The following BCKDHB variants were observed in gnomAD, a reference collection of about 807,000 sequenced individuals.
BCKDHB encodes the protein 2-oxoisovalerate dehydrogenase subunit beta, mitochondrial.
Under a neutral mutation model 48.5 loss-of-function variants are expected in BCKDHB, and 41 were observed. That is an observed-to-expected ratio of 0.85 (90% CI 0.66 to 1.10). The LOEUF is 1.10. BCKDHB is among the 50% of genes least tolerant of loss of function. The pLI, the probability that BCKDHB is intolerant of heterozygous loss-of-function variation, is 0.00. For missense variants in BCKDHB, 496 were observed against 494.2 expected, an observed-to-expected ratio of 1.00 and a Z score of -0.03; for synonymous variants, 201 against 174.8, an observed-to-expected ratio of 1.15 and a Z score of -1.18.
intron 3 of BCKDHB, among the ~76,000 whole-genome samples, chr6:80,159,523 G>A (rs1305453245): frequency 1.3e-5 from 2 of 152,116 alleles, no homozygotes; most frequent in Non-Finnish European, 2.9e-5. Context: ...CCTGTCTAAT[G>A]AATAGAATGT....
intron 6 of BCKDHB, among the ~76,000 whole-genome samples, chr6:80,187,235 T>G (rs1773683831): frequency 6.6e-6 from 1 of 152,218 alleles, no homozygotes; most frequent in Non-Finnish European, 1.5e-5. Flanking sequence ...ATCATTTGAT[T>G]AAATGTGTTA....
At chr6:80,106,989 TC>T in intron 1 of BCKDHB, 100 bp downstream of exon 1, 1 of 1,408,802 alleles carries the variant, frequency 7.1e-7, no homozygotes, top group Non-Finnish European at 9.8e-7. Flanking sequence ...AATCCTTGCA[TC>T]CCAGCTTATT....
intron 8 of BCKDHB, among the ~76,000 whole-genome samples, chr6:80,252,486 G>A (rs996691423): frequency 3.9e-5 from 6 of 152,074 alleles, no homozygotes; most frequent in Non-Finnish European, 7.4e-5. Context: ...TTTTGTCAAG[G>A]TTATTGGTCA....
At chr6:80,122,168 A>G (rs1051004995) in intron 1 of BCKDHB, among the ~76,000 whole-genome samples, 1 of 152,202 alleles carries the variant, frequency 6.6e-6, no homozygotes, top group Non-Finnish European at 1.5e-5. Flanking sequence ...TGATTTGCAT[A>G]TGTTGAACCA....
the BCKDHB span, among the ~76,000 whole-genome samples, chr6:80,433,852 C>T: frequency 6.6e-6 from 1 of 152,174 alleles, no homozygotes; most frequent in Admixed American, 6.5e-5. Flanking sequence ...GATTTGGAAT[C>T]ATTATGTTTT....
intron 9 of BCKDHB, among the ~76,000 whole-genome samples, chr6:80,319,997 A>G (rs974131204): frequency 3.9e-5 from 6 of 152,224 alleles, no homozygotes; most frequent in Non-Finnish European, 8.8e-5. Flanking sequence ...ATATACTAAA[A>G]TTTGAGTATT....
intron 9 of BCKDHB, among the ~76,000 whole-genome samples, chr6:80,287,473 T>G (rs1463445051): frequency 6.6e-6 from 1 of 151,810 alleles, no homozygotes; most frequent in Non-Finnish European, 1.5e-5. Context: ...CAGTGATTTT[T>G]TTTTTTAATG....
intron 3 of BCKDHB, among the ~76,000 whole-genome samples, chr6:80,139,943 A>G (rs970769250): frequency 2.0e-5 from 3 of 152,278 alleles, no homozygotes; most frequent in South Asian, 2.1e-4. Flanking sequence ...TGAGCATGAA[A>G]TGTTCTTCCA....
the BCKDHB span, among the ~76,000 whole-genome samples, chr6:80,411,419 A>G: frequency 2.0e-5 from 3 of 152,228 alleles, no homozygotes; most frequent in Admixed American, 6.5e-5. Flanking sequence ...ACATGGGGTC[A>G]GGGACCCACT....
chr6:80,354,616 G>T, the BCKDHB span, among the ~76,000 whole-genome samples: 10 of 152,118 alleles, frequency 6.6e-5, no homozygotes, highest in Non-Finnish European at 1.5e-4. Flanking sequence ...TTTTCCCTGG[G>T]TTTTCTTCTA....
At chr6:80,230,447 A>G (rs563478432) in intron 8 of BCKDHB, among the ~76,000 whole-genome samples, 1 of 152,332 alleles carries the variant, frequency 6.6e-6, no homozygotes, top group South Asian at 2.1e-4. Context: ...TGAAATTAAA[A>G]TTTACTGCAG....
At chr6:80,339,997 C>T (rs902473423) in intron 9 of BCKDHB, among the ~76,000 whole-genome samples, 4 of 152,142 alleles carry the variant, frequency 2.6e-5, no homozygotes, top group African/African-American at 9.7e-5. Context: ...TTGGTTTCCT[C>T]ACCTGTGAAA....
Position 80,157,775 on chromosome 6 carries a change from G to A in BCKDHB, c.344-9903G>A, listed in dbSNP as rs140609805. Among the ~76,000 whole-genome samples, 287 of 151,886 alleles carry A rather than the reference G, an allele frequency of 1.9e-3. 1 individual carries two copies. The highest frequency in any genetic ancestry group is 6.5e-3 in the African/African-American group (269 of 41,424). ...ATTACAGGTGTGAGCCACTGCGCCC[G>A]GCCAAGAATCTTTATATTTGGGTGG... On this transcript the variant is annotated intron_variant, in intron 3 of 9. Coordinates refer to ENST00000320393, the MANE Select transcript of BCKDHB (RefSeq NM_183050.4).
At chr6:80,307,396 T>C in intron 9 of BCKDHB, 1 of 978,214 alleles carries the variant, frequency 1.0e-6, no homozygotes. Context: ...ATTCTAAAAT[T>C]GAACTGTATC....
chr6:80,277,676 T>TA (rs1418149481), intron 9 of BCKDHB, among the ~76,000 whole-genome samples: 1 of 141,808 alleles, frequency 7.1e-6, no homozygotes, highest in African/African-American at 2.6e-5. Flanking sequence ...TTTTTTTTTT[T>TA]AAATCACATG....
At position 80,167,827 on chromosome 6, in the gene BCKDHB, T is replaced by C; in HGVS notation, c.477+16T>C. On this transcript the variant is annotated intron_variant, in intron 4 of 9. Coordinates refer to ENST00000320393, the MANE Select transcript of BCKDHB (RefSeq NM_183050.4). Reference sequence around the variant, plus strand: ...ATTTGATCAGGTAAGTGAATGAACATTTCTAAGGTTGTTCATTCATTGAAA... The same window carrying C: ...ATTTGATCAGGTAAGTGAATGAACACTTCTAAGGTTGTTCATTCATTGAAA... 6.2e-7 allele frequency: 1 copy of C among 1,611,786 alleles called. No homozygotes were observed. The highest frequency in any genetic ancestry group is 8.5e-7 in the Non-Finnish European group (1 of 1,178,342).
chr6:80,409,393 G>A, the BCKDHB span, among the ~76,000 whole-genome samples: 5 of 151,190 alleles, frequency 3.3e-5, no homozygotes, highest in Admixed American at 6.6e-5. Flanking sequence ...TGTCTATTAG[G>A]TCCACTTGGT....
chr6:80,299,144 A>G (rs1295739704), intron 9 of BCKDHB, among the ~76,000 whole-genome samples: 1 of 152,138 alleles, frequency 6.6e-6, no homozygotes, highest in African/African-American at 2.4e-5. Flanking sequence ...AAGTTTGCTC[A>G]AGCATCCTTG....
At chr6:80,238,050 C>T (rs1440462322) in intron 8 of BCKDHB, among the ~76,000 whole-genome samples, 4 of 152,054 alleles carry the variant, frequency 2.6e-5, no homozygotes, top group Non-Finnish European at 4.4e-5. Context: ...CTTCCTCCCT[C>T]CTTCGCTTCC....
Sources: allele counts gnomAD v4.1 joint callset (sites outside exome capture counted in the v4.1 genomes callset), GRCh38; gene constraint gnomAD v4.1.1; transcripts MANE v1.5; gene names NCBI Gene and HGNC (gene_info 2026-07-23, HGNC 2026-07-21).